The following ME3 variants were observed in gnomAD, a reference collection of about 807,000 sequenced individuals.
ME3 encodes NADP-dependent malic enzyme, mitochondrial.
ME3 carries 48 observed loss-of-function variants against 68.9 expected under a neutral mutation model. The ratio of observed to expected loss-of-function variants is 0.70; its 90% confidence interval spans 0.55 to 0.89. The LOEUF is 0.89. ME3 is among the 40% of genes least tolerant of loss of function. ME3 has a pLI of 0.00. For synonymous variants in ME3, 320 were observed against 318.8 expected, an observed-to-expected ratio of 1.00 and a Z score of -0.04; for missense variants, 675 against 797.4, an observed-to-expected ratio of 0.85 and a Z score of 1.85.
At chr11:86,567,356 A>G (rs746857789) in intron 2 of ME3, among the ~76,000 whole-genome samples, 6 of 152,192 alleles carry the variant, frequency 3.9e-5, no homozygotes, top group Admixed American at 1.3e-4. Context: ...GGGATCTGTA[A>G]AACTTTGAAT....
chr11:86,451,966 G>A (rs374626059), intron 8 of ME3, among the ~76,000 whole-genome samples: 1 of 152,230 alleles, frequency 6.6e-6, no homozygotes, highest in African/African-American at 2.4e-5. Flanking sequence ...TAAGACTTAA[G>A]TAGAAGCAAC....
At chr11:86,525,099 C>A (rs555695438) in intron 4 of ME3, among the ~76,000 whole-genome samples, 23 of 152,282 alleles carry the variant, frequency 1.5e-4, no homozygotes, top group Non-Finnish European at 2.6e-4. Flanking sequence ...AGCTTCAGAG[C>A]AGACAGTCAG....
At chr11:86,644,502 C>T (rs1375837458) in intron 2 of ME3, among the ~76,000 whole-genome samples, 6 of 152,174 alleles carry the variant, frequency 3.9e-5, no homozygotes, top group East Asian at 1.9e-4. Flanking sequence ...TCCTTTTACT[C>T]ATCACACTCC....
chr11:86,670,760 G>GA (rs987416512), intron 2 of ME3, among the ~76,000 whole-genome samples: 4 of 151,254 alleles, frequency 2.6e-5, no homozygotes, highest in East Asian at 1.9e-4. Flanking sequence ...GAGCAATTAT[G>GA]AAAAAAAAAT....
In ME3 at chr11:86,516,194, C is replaced by T. The variant is rs74778027; in HGVS notation, c.468-7327G>A. ...ACTGATTACTTCTCCCAAGTTTTTCCTGTTTACTTCAGGGAATCAATTTTG... is the reference window on the plus strand; with the variant it reads ...ACTGATTACTTCTCCCAAGTTTTTCTTGTTTACTTCAGGGAATCAATTTTG... On this transcript the variant is annotated intron_variant, in intron 4 of 14. Transcript: ENST00000543262. 3.5e-3 allele frequency among the ~76,000 whole-genome samples: 540 copies of T among 152,264 alleles called. 3 individuals carry two copies. Among genetic ancestry groups the T allele is most frequent in the Non-Finnish European group, 4.9e-3 (331 of 68,012 alleles).
chr11:86,507,254 C>G (rs576303757), intron 5 of ME3, among the ~76,000 whole-genome samples: 17 of 152,324 alleles, frequency 1.1e-4, no homozygotes, highest in African/African-American at 3.8e-4. Context: ...CCATGGTTCT[C>G]TCTTTGGCAG....
chr11:86,666,501 C>T (rs532643935), intron 2 of ME3, among the ~76,000 whole-genome samples: 1 of 152,352 alleles, frequency 6.6e-6, no homozygotes, highest in Non-Finnish European at 1.5e-5. Flanking sequence ...AACTAATAAA[C>T]ATTCTCTGAG....
intron 2 of ME3, among the ~76,000 whole-genome samples, chr11:86,623,910 C>G (rs1437998667): frequency 6.6e-6 from 1 of 152,100 alleles, no homozygotes; most frequent in Non-Finnish European, 1.5e-5. Context: ...AAAATCACAC[C>G]TCCCTGCCTG....
chr11:86,581,441 C>A (rs1474265340), intron 2 of ME3, among the ~76,000 whole-genome samples: 1 of 152,146 alleles, frequency 6.6e-6, no homozygotes, highest in African/African-American at 2.4e-5. Flanking sequence ...TTTCAAGTTT[C>A]AGTTTTCTCC....
At chr11:86,537,401 T>C (rs752324061) in intron 4 of ME3, among the ~76,000 whole-genome samples, 14 of 152,086 alleles carry the variant, frequency 9.2e-5, no homozygotes, top group Non-Finnish European at 1.9e-4. Context: ...GGAATAACTA[T>C]CACTGTGCAC....
intron 4 of ME3, among the ~76,000 whole-genome samples, chr11:86,543,932 G>A (rs1956209304): frequency 1.3e-5 from 2 of 149,274 alleles, no homozygotes; most frequent in Admixed American, 1.3e-4. Context: ...AAATGCAAAA[G>A]AATGGAAATC....
At chr11:86,646,275 A>G (rs973681938) in intron 2 of ME3, among the ~76,000 whole-genome samples, 3 of 152,226 alleles carry the variant, frequency 2.0e-5, no homozygotes, top group Admixed American at 6.5e-5. Context: ...GCATATGCTA[A>G]CCTAATGCAA....
intron 4 of ME3, among the ~76,000 whole-genome samples, chr11:86,548,152 G>A (rs1292823091): frequency 6.6e-6 from 1 of 152,158 alleles, no homozygotes; most frequent in Admixed American, 6.5e-5. Context: ...TAAAGTCCTA[G>A]GCAGGCCACA....
At chr11:86,577,782 G>A (rs116223287) in intron 2 of ME3, among the ~76,000 whole-genome samples, 10 of 152,064 alleles carry the variant, frequency 6.6e-5, no homozygotes, top group African/African-American at 1.4e-4. Context: ...TTACTGCTTC[G>A]TTGTTTCTAA....
At chr11:86,461,022 T>C (rs1950199965) in intron 8 of ME3, among the ~76,000 whole-genome samples, 2 of 152,116 alleles carry the variant, frequency 1.3e-5, no homozygotes, top group South Asian at 2.1e-4. Context: ...ATGGGAACGA[T>C]GGGGAGGGCA....
chr11:86,531,310 C>T (rs1955211157), intron 4 of ME3, among the ~76,000 whole-genome samples: 1 of 152,152 alleles, frequency 6.6e-6, no homozygotes. Context: ...TACCATCTCA[C>T]ACCAGTTAGA....
At chr11:86,582,363 T>C (rs922205556) in intron 2 of ME3, among the ~76,000 whole-genome samples, 1 of 152,150 alleles carries the variant, frequency 6.6e-6, no homozygotes, top group African/African-American at 2.4e-5. Context: ...CCTTAGCTGG[T>C]GGGTTAAAAT....
intron 2 of ME3, among the ~76,000 whole-genome samples, chr11:86,630,217 A>C (rs987623486): frequency 6.6e-6 from 1 of 152,164 alleles, no homozygotes; most frequent in Non-Finnish European, 1.5e-5. Context: ...TAAAGGTTTG[A>C]GTTACCTCTG....
rs1483830265 is a variant in ME3 at position 86,504,965 on chromosome 11, A to G, written c.543+3827T>C. 2.0e-5 allele frequency among the ~76,000 whole-genome samples: 3 copies of G among 152,222 alleles called. No homozygotes were observed. In the East Asian group the frequency reaches 5.8e-4, roughly 29 times the overall value. On this transcript the variant is annotated intron_variant, in intron 5 of 14. Coordinates refer to ENST00000543262, the Ensembl canonical transcript of ME3. ...CTCAGCCTCCCAAAGTGCTGGGATT[A>G]CAGGCGTGAGCCACCATGCACAGTC... is the stretch of plus-strand genomic sequence containing the variant.
Sources: allele counts gnomAD v4.1 joint callset (sites outside exome capture counted in the v4.1 genomes callset), GRCh38; gene constraint gnomAD v4.1.1; transcripts MANE v1.5; gene names NCBI Gene and HGNC (gene_info 2026-07-23, HGNC 2026-07-21).